FBXW5: variants seen among roughly 807,000 people sequenced by gnomAD.
The protein encoded by FBXW5 is F-box/WD repeat-containing protein 5.
Under a neutral mutation model 50.9 loss-of-function variants are expected in FBXW5, and 74 were observed. The ratio of observed to expected loss-of-function variants is 1.45; its 90% CI spans 1.20 to 1.76. The LOEUF is 1.76. FBXW5 is among the 40% of genes most tolerant of loss of function. The probability of loss-of-function intolerance (pLI) is 0.00; values close to 1 mark genes in which losing one functional copy is unlikely to be tolerated. For missense variants in FBXW5, 1,073 were observed against 818.8 expected, an observed-to-expected ratio of 1.31 and a Z score of -3.79; for synonymous variants, 523 against 362.2, an observed-to-expected ratio of 1.44 and a Z score of -5.04.
At position 136,943,464 on chromosome 9, in the gene FBXW5, G is replaced by A. The variant is rs775883396; in HGVS notation, c.236C>T (p.Thr79Met). The change falls in exon 3 of 9, where the codon ACG (threonine) becomes ATG (methionine). Residue 79 changes from threonine (T) to methionine (M), a missense_variant. Physicochemically the swap from Thr to Met is moderately conservative, Grantham distance 81. Coordinates refer to ENST00000325285, the MANE Select transcript of FBXW5 (RefSeq NM_018998.4). ...WYEEFQRLYDTVPCVEVQTLR... is the reference protein window; with the variant it reads ...WYEEFQRLYDMVPCVEVQTLR... ...CGTCTGCACCTCCACGCAGGGCACC[G>A]TGTCATACAGCCGCTGGAACTCCTC... The A allele has an allele frequency of 1.3e-5, 21 of 1,612,408 alleles. No homozygotes were observed. In the South Asian group the frequency reaches 1.5e-4, roughly 12 times the overall value.
chr9:136,942,578 CAGG>C lies in FBXW5; in HGVS notation c.641_643del (p.Ser214del). ...GGCATTGTTGAGCCACAGCACCGAG[CAGG>C]AGGTGATATCTCCGATGCGGTGCAG... On this transcript the variant is annotated inframe_deletion, in exon 5 of 9. Transcript: ENST00000325285. 1 of 1,611,912 alleles carries C rather than the reference CAGG, an allele frequency of 6.2e-7. No individual in the cohort carries two copies. The highest frequency in any genetic ancestry group is 8.5e-7 in the Non-Finnish European group (1 of 1,179,576).
In FBXW5 at chr9:136,940,961, G is replaced by A. The variant is rs1470452108; in HGVS notation, c.1668C>T (p.Thr556=). The A allele has an allele frequency of 1.3e-6, 2 of 1,569,728 alleles. No individual in the cohort carries two copies. The highest frequency in any genetic ancestry group is 1.4e-5 in the African/African-American group (1 of 74,052). Residue 556 remains threonine (T), a synonymous_variant, in exon 9 of 9, where the codon ACC becomes ACT. Transcript: ENST00000325285. ...TCTGGCTGGCAAGCCAGGAGAAGAA[G>A]GTGCGAGGCCGTGGGCGAGGTGCCT... ...VLQAPRPRPR[T]FFSWLASQRR
rs539863955 is a variant in FBXW5 at position 136,940,812 on chromosome 9, C to T, written c.*116G>A. On this transcript the variant is annotated 3_prime_UTR_variant, in exon 9 of 9. Transcript: ENST00000325285. ...TGAGCGTGTGGCGGGGCCTGGTTGTCCCCTTCCTAAGGCGTAACTGCTATA... is the reference window on the plus strand; with the variant it reads ...TGAGCGTGTGGCGGGGCCTGGTTGTTCCCTTCCTAAGGCGTAACTGCTATA... 2.2e-4 allele frequency: 313 copies of T among 1,415,342 alleles called. No homozygotes were observed. Among genetic ancestry groups the T allele is most frequent in the Non-Finnish European group, 2.8e-4 (298 of 1,067,520 alleles). The allele number at this position is 1,415,342 out of a possible 1,614,324, so 87.7% of individuals were successfully genotyped here.
At chr9:136,942,509 CCCCAGGA>C (rs1179831835) in intron 5 of FBXW5, 31 bp downstream of exon 5, 3 of 1,600,804 alleles carry the variant, frequency 1.9e-6, no homozygotes, top group Admixed American at 3.4e-5. Flanking sequence ...GGGCGCCAGG[CCCCAGGA>C]GGGCAGCCCC....
At chr9:136,944,413 C>T in intron 1 of FBXW5, 181 bp downstream of exon 1, 1 of 828,176 alleles carries the variant, frequency 1.2e-6, no homozygotes, top group Non-Finnish European at 1.5e-6. Flanking sequence ...GGGCTTCCGC[C>T]GAGAGGAAGC....
chr9:136,943,146 G>A (rs532239633), intron 3 of FBXW5: 2 of 1,028,638 alleles, frequency 1.9e-6, no homozygotes, highest in African/African-American at 3.2e-5. Flanking sequence ...GGCTGTGTGT[G>A]GGACCCTCTC....
chr9:136,941,008 G>GGGA lies in FBXW5; in HGVS notation c.1618_1620dup (p.Ser540dup). ...GCCTGGAGGACGCGCATGGTGCGTG[G>GGGA]GGAGCGCCAGGCTTTGATGGTGGCG... is the stretch of plus-strand genomic sequence containing the variant. On this transcript the variant is annotated inframe_insertion, in exon 9 of 9. Coordinates refer to ENST00000325285, the MANE Select transcript of FBXW5 (RefSeq NM_018998.4). The GGGA allele has an allele frequency of 6.4e-7, 1 of 1,553,964 alleles. No homozygotes were observed. Among genetic ancestry groups the GGGA allele is most frequent in the Non-Finnish European group, 8.7e-7 (1 of 1,148,644 alleles).
Position 136,943,505 on chromosome 9 carries a change from C to A in FBXW5, c.195G>T (p.Ala65=), listed in dbSNP as rs771100836. The A allele has an allele frequency of 6.2e-7, 1 of 1,607,406 alleles. No homozygotes were observed. The highest frequency in any genetic ancestry group is 1.1e-5 in the South Asian group (1 of 90,970). Residue 65 remains alanine (A), a splice_region_variant and synonymous_variant, in exon 3 of 9, where the codon GCG becomes GCT. Coordinates refer to ENST00000325285, the MANE Select transcript of FBXW5 (RefSeq NM_018998.4). ...QVARDVPRHP[A]AMSWYEEFQR... is the part of the protein sequence containing the mutation. ...GGAACTCCTCGTACCAGGACATGGC[C>A]GCTGCGGGTGGGCAGTTGTCAGTCC...
At position 136,941,528 on chromosome 9, in the gene FBXW5, G is replaced by GAGGCCCACCTGTTGTCGGGCGAC. The variant is rs763064833; in HGVS notation, c.1230_1244+8dup. On this transcript the variant is annotated intron_variant, in intron 7 of 8. Coordinates refer to ENST00000325285, the MANE Select transcript of FBXW5 (RefSeq NM_018998.4). ...GGCACCCCGCCTGGGACACTGGCAA[G>GAGGCCCACCTGTTGTCGGGCGAC]AGGCCCACCTGTTGTCGGGCGACAG... is the stretch of plus-strand genomic sequence containing the variant. 986 of 1,609,272 alleles carry GAGGCCCACCTGTTGTCGGGCGAC rather than the reference G, an allele frequency of 6.1e-4. 6 individuals carry two copies. The African/African-American group carries it at 9.6e-3, about 16-fold the overall frequency.
At position 136,942,458 on chromosome 9, in the gene FBXW5, C is replaced by G. The variant is rs759993579; in HGVS notation, c.684G>C (p.Glu228Asp). 2.5e-6 allele frequency: 4 copies of G among 1,599,618 alleles called. No individual in the cohort carries two copies. The highest frequency in any genetic ancestry group is 2.6e-6 in the Non-Finnish European group (3 of 1,169,916). ...LWLNNAFQDV[E>D]SENVNVVKRL... ...GCTTCACCACGTTGACGTTCTCTGA[C>G]TCCACATCCTGGGGGCGGGGGCACG... is the stretch of plus-strand genomic sequence containing the variant. Residue 228 changes from glutamate (E) to aspartate (D), a missense_variant, in exon 6 of 9, where the codon GAG (glutamate) becomes GAC (aspartate). Glu to Asp is a conservative substitution (Grantham distance 45, BLOSUM62 2). Transcript: ENST00000325285.
Position 136,942,357 on chromosome 9 carries a change from C to T in FBXW5, c.785G>A (p.Ser262Asn), listed in dbSNP as rs761204264. Residue 262 changes from serine (S) to asparagine (N), a missense_variant, in exon 6 of 9, where the codon AGC becomes AAC. Coordinates refer to ENST00000325285, the MANE Select transcript of FBXW5 (RefSeq NM_018998.4). ...ACCGGCTTCCAGCAGCAGGTCAGGG[C>T]TGTCGAAGCGGCTGCAGTCGGCCAC... ...VMVADCSRFD[S>N]PDLLLEAGDP... The T allele has an allele frequency of 4.4e-6, 7 of 1,608,094 alleles. No individual in the cohort carries two copies. Among genetic ancestry groups the T allele is most frequent in the Non-Finnish European group, 5.9e-6 (7 of 1,177,940 alleles).
chr9:136,943,395 T>A lies in FBXW5; in HGVS notation c.305A>T (p.His102Leu). Residue 102 changes from histidine to leucine, a missense_variant, in exon 3 of 9, where the codon CAT becomes CTT. By Grantham distance (99) the His-to-Leu change is moderately conservative. Transcript: ENST00000325285. ...TDQVLHLSFS[H>L]SGYQFASCSK... ...GCAGGACGCGAACTGGTACCCGGAA[T>A]GGGAGAAGCTGAGGTGCAGGACCTG... 1 of 1,612,832 alleles carries A rather than the reference T, an allele frequency of 6.2e-7. No individual in the cohort carries two copies. The highest frequency in any genetic ancestry group is 8.5e-7 in the Non-Finnish European group (1 of 1,179,940).
Position 136,941,612 on chromosome 9 carries a change from G to A in FBXW5, c.1169C>T (p.Ala390Val), listed in dbSNP as rs751208805. The A allele has an allele frequency of 9.4e-6, 15 of 1,593,078 alleles. No individual in the cohort carries two copies. In the Admixed American group the frequency reaches 2.3e-4, roughly 24 times the overall value. ...GACGTGGTCCAGCGCGTCGAAGAAG[G>A]CATCGGAGCCCCGGCCCTCACCCAG... ...PVLGEGRGSD[A>V]FFDALDHVID... The change falls in exon 7 of 9, where the codon GCC becomes GTC. Residue 390 changes from alanine to valine, a missense_variant. Physicochemically the swap from Ala to Val is moderately conservative, Grantham distance 64 (BLOSUM62 0). Transcript: ENST00000325285.
At chr9:136,944,204 C>G (rs1216169634) in intron 1 of FBXW5, 98 bp from the exon 2 acceptor site, 2 of 1,313,166 alleles carry the variant, frequency 1.5e-6, no homozygotes, top group African/African-American at 3.0e-5. Context: ...GCCGGGAGTT[C>G]CACGGGGCTG....
rs758288123 is a variant in FBXW5, at chr9:136,942,794, G to GGAT, written c.498_500dup (p.Ser167dup). 4.2e-5 allele frequency: 68 copies of GGAT among 1,612,872 alleles called. No individual in the cohort carries two copies. The highest frequency in any genetic ancestry group is 5.3e-5 in the Non-Finnish European group (63 of 1,179,918). Reference sequence around the variant, plus strand: ...CTAGGCTGATGACAGCAATCTCGCCGGATGAGGAGTTGTGCGGCCCCAGGA... The same window carrying GGAT: ...CTAGGCTGATGACAGCAATCTCGCCGGATGATGAGGAGTTGTGCGGCCCCAGGA... On this transcript the variant is annotated inframe_insertion, in exon 4 of 9. Coordinates refer to ENST00000325285, the MANE Select transcript of FBXW5 (RefSeq NM_018998.4).
chr9:136,941,511 G>C (rs368964340), intron 7 of FBXW5, 26 bp downstream of exon 7: 20 of 1,605,788 alleles, frequency 1.2e-5, no homozygotes, highest in Non-Finnish European at 1.6e-5. Context: ...CGGGCACCCC[G>C]CCTGGGACAC....
rs2131359808 is a variant in FBXW5, at chr9:136,943,423, C to T, written c.277G>A (p.Asp93Asn). ...GAGAAGCTGAGGTGCAGGACCTGGT[C>T]TGTGTGTTCCCGCAGCGTCTGCACC... ...VEVQTLREHT[D>N]QVLHLSFSHS... The change falls in exon 3 of 9, where the codon GAC becomes AAC. Residue 93 changes from aspartate (D) to asparagine (N), a missense_variant. By Grantham distance (23) the Asp-to-Asn change is conservative (BLOSUM62 1). Transcript: ENST00000325285. 1 of 1,612,920 alleles carries T rather than the reference C, an allele frequency of 6.2e-7. No homozygotes were observed. The highest frequency in any genetic ancestry group is 8.5e-7 in the Non-Finnish European group (1 of 1,179,976).
At position 136,942,281 on chromosome 9, in the gene FBXW5, C is replaced by A; in HGVS notation, c.861G>T (p.Glu287Asp). The A allele has an allele frequency of 6.3e-7, 1 of 1,585,608 alleles. No homozygotes were observed. Residue 287 changes from glutamate (E) to aspartate (D), a missense_variant, in exon 6 of 9, where the codon GAG (glutamate) becomes GAT (aspartate). Glu to Asp is a conservative substitution (Grantham distance 45, BLOSUM62 2). Coordinates refer to ENST00000325285, the MANE Select transcript of FBXW5 (RefSeq NM_018998.4). ...CGGGGGCCGGGCCAGCCACCACCTC[C>A]TCGTTGTCGCTGCCCAGGTCAAAGA... is the stretch of plus-strand genomic sequence containing the variant. Reference protein sequence around the residue: ...CRIFDLGSDNEEVVAGPAPAH... With the variant: ...CRIFDLGSDNDEVVAGPAPAH...
chr9:136,943,242 T>TGTGG, intron 3 of FBXW5, 107 bp downstream of exon 3: 39 of 1,213,688 alleles, frequency 3.2e-5, no homozygotes, highest in Middle Eastern at 2.7e-4. Flanking sequence ...ACCTCTGGCC[T>TGTGG]GACCCACCCC....
Sources: allele counts gnomAD v4.1 joint callset, GRCh38; gene constraint gnomAD v4.1.1; transcripts MANE v1.5; gene names NCBI Gene and HGNC (gene_info 2026-07-23, HGNC 2026-07-21).